NRXN3: variants seen among roughly 807,000 people sequenced by gnomAD.
The protein encoded by NRXN3 is neurexin III.
A neutral mutation model predicts 137.6 loss-of-function variants in NRXN3; 32 were observed. The ratio of observed to expected loss-of-function variants is 0.23; its 90% CI spans 0.18 to 0.31. NRXN3 has a LOEUF of 0.31. Ranked by LOEUF, NRXN3 falls within the 10% of genes least tolerant of loss-of-function variation. The pLI is 1.00. For missense variants in NRXN3, 1,574 were observed against 2,062.5 expected, an observed-to-expected ratio of 0.76 and a Z score of 4.59; for synonymous variants, 798 against 784.5, an observed-to-expected ratio of 1.02 and a Z score of -0.29.
intron 19 of NRXN3, among the ~76,000 whole-genome samples, chr14:79,798,773 C>T (rs747197230): frequency 1.2e-4 from 19 of 152,132 alleles, no homozygotes; most frequent in Non-Finnish European, 2.4e-4. Context: ...CAGAGTGAAA[C>T]GGTCTTGAGC....
intron 4 of NRXN3, among the ~76,000 whole-genome samples, chr14:78,446,345 TG>T (rs1000036747): frequency 1.3e-5 from 2 of 151,526 alleles, no homozygotes; most frequent in Admixed American, 6.6e-5. Flanking sequence ...ACATGCAAGA[TG>T]GGGGCGTGCT....
At chr14:79,531,385 C>CT in intron 16 of NRXN3, among the ~76,000 whole-genome samples, 1 of 152,224 alleles carries the variant, frequency 6.6e-6, no homozygotes, top group South Asian at 2.1e-4. Context: ...TCTAAATCAA[C>CT]TTAATGAAGG....
intron 10 of NRXN3, among the ~76,000 whole-genome samples, chr14:78,898,868 G>A (rs1296727190): frequency 2.6e-5 from 4 of 151,976 alleles, no homozygotes; most frequent in African/African-American, 9.6e-5. Flanking sequence ...AAATTGTGGA[G>A]CATTATAGCA....
intron 16 of NRXN3, among the ~76,000 whole-genome samples, chr14:79,606,257 C>G (rs768553302): frequency 6.6e-6 from 1 of 152,014 alleles, no homozygotes; most frequent in African/African-American, 2.4e-5. Flanking sequence ...AATAAATAAA[C>G]AACAAACCAA....
At chr14:79,090,985 G>A (rs1235188807) in intron 15 of NRXN3, among the ~76,000 whole-genome samples, 1 of 151,862 alleles carries the variant, frequency 6.6e-6, no homozygotes. Context: ...GAGCAAAAGG[G>A]AACTCACAAG....
chr14:78,914,969 A>G (rs929213041), intron 10 of NRXN3, among the ~76,000 whole-genome samples: 14 of 152,168 alleles, frequency 9.2e-5, no homozygotes, highest in Admixed American at 5.2e-4. Flanking sequence ...ATTGGAACAA[A>G]TGGTACAACT....
chr14:78,852,242 T>C (rs2099044670), intron 10 of NRXN3, among the ~76,000 whole-genome samples: 2 of 152,214 alleles, frequency 1.3e-5, no homozygotes, highest in Admixed American at 6.6e-5. Flanking sequence ...ATTGTTAATA[T>C]GCCAATACCC....
At chr14:79,693,774 G>A (rs914733625) in intron 18 of NRXN3, among the ~76,000 whole-genome samples, 18 of 151,830 alleles carry the variant, frequency 1.2e-4, no homozygotes, top group Non-Finnish European at 2.1e-4. Flanking sequence ...TTGAGGGGTT[G>A]GGATGGGGGG....
intron 4 of NRXN3, among the ~76,000 whole-genome samples, chr14:78,532,468 C>T (rs950637290): frequency 2.7e-5 from 4 of 150,370 alleles, no homozygotes; most frequent in African/African-American, 9.8e-5. Context: ...CACCAATTCT[C>T]ATTTCCTTTT....
chr14:78,917,988 G>GA (rs71131666), intron 10 of NRXN3, among the ~76,000 whole-genome samples: 14,064 of 107,330 alleles, frequency 0.13, 2,034 homozygotes, highest in East Asian at 0.4. Flanking sequence ...ATAAAAAAAT[G>GA]AAAAAAAAAA....
chr14:79,856,283 G>T (rs1440990369), intron 20 of NRXN3, among the ~76,000 whole-genome samples: 1 of 152,050 alleles, frequency 6.6e-6, no homozygotes, highest in Non-Finnish European at 1.5e-5. Context: ...TTGATAGAGA[G>T]CAATTTCATG....
chr14:79,765,414 A>C (rs1213474043), intron 19 of NRXN3, among the ~76,000 whole-genome samples: 1 of 152,150 alleles, frequency 6.6e-6, no homozygotes. Flanking sequence ...CTCTTCACTG[A>C]ACATTTCCTG....
chr14:79,041,063 C>T (rs1027170912), intron 15 of NRXN3, among the ~76,000 whole-genome samples: 26 of 152,138 alleles, frequency 1.7e-4, no homozygotes, highest in African/African-American at 6.3e-4. Context: ...TTCCTTTCTC[C>T]TCTCTCATAA....
At chr14:79,227,854 C>T (rs2071351906) in intron 15 of NRXN3, among the ~76,000 whole-genome samples, 1 of 148,956 alleles carries the variant, frequency 6.7e-6, no homozygotes, top group South Asian at 2.2e-4. Flanking sequence ...TCCTCCCTCC[C>T]TTCCTCTCTT....
chr14:79,203,185 G>C (rs1471106693), intron 15 of NRXN3, among the ~76,000 whole-genome samples: 6 of 152,194 alleles, frequency 3.9e-5, no homozygotes. Context: ...GCAGACTCTG[G>C]ATCTGAAGAC....
chr14:78,539,465 CT>C (rs542279380), intron 4 of NRXN3, among the ~76,000 whole-genome samples: 59 of 151,506 alleles, frequency 3.9e-4, no homozygotes, highest in East Asian at 1.4e-3. Flanking sequence ...GTGATATCCC[CT>C]TTTTTTTATT....
intron 10 of NRXN3, among the ~76,000 whole-genome samples, chr14:78,815,160 C>T (rs1311154963): frequency 2.0e-5 from 3 of 152,092 alleles, no homozygotes; most frequent in Non-Finnish European, 4.4e-5. Flanking sequence ...CCTGAAGACC[C>T]ACTAATTTCT....
chr14:79,082,218 G>C (rs182642202), intron 15 of NRXN3, among the ~76,000 whole-genome samples: 95 of 151,982 alleles, frequency 6.3e-4, no homozygotes, highest in Non-Finnish European at 1.2e-3. Flanking sequence ...CTTCATGTAC[G>C]TAAAATTTAG....
chr14:79,350,571 A>G (rs143163207), intron 15 of NRXN3, among the ~76,000 whole-genome samples: 2 of 152,206 alleles, frequency 1.3e-5, no homozygotes, highest in African/African-American at 4.8e-5. Flanking sequence ...GTGGCATAGA[A>G]CAAATCAGCC....
Sources: allele counts gnomAD v4.1 joint callset (sites outside exome capture counted in the v4.1 genomes callset), GRCh38; gene constraint gnomAD v4.1.1; transcripts MANE v1.5; gene names NCBI Gene and HGNC (gene_info 2026-07-23, HGNC 2026-07-21).